SPACA7: variants seen among roughly 807,000 people sequenced by gnomAD.
SPACA7 encodes the protein sperm acrosome-associated protein 7.
SPACA7 carries 19 observed loss-of-function variants against 26.3 expected under a neutral mutation model. That is an observed-to-expected ratio of 0.72 (90% CI 0.50 to 1.06). The LOEUF is 1.06. Among genes scored for constraint, SPACA7 ranks in the 50% least tolerant of loss-of-function variants. The probability of loss-of-function intolerance (pLI) is 0.00; values close to 1 mark genes in which losing one functional copy is unlikely to be tolerated. For missense variants in SPACA7, 211 were observed against 229.9 expected, an observed-to-expected ratio of 0.92 and a Z score of 0.53; for synonymous variants, 84 against 84.5, an observed-to-expected ratio of 0.99 and a Z score of 0.04.
intron 5 of SPACA7, among the ~76,000 whole-genome samples, chr13:112,417,629 GAC>G (rs2139031716): frequency 6.6e-6 from 1 of 152,176 alleles, no homozygotes; most frequent in African/African-American, 2.4e-5. Flanking sequence ...TTTGAAGACT[GAC>G]ACATAAAATT....
chr13:112,433,699 CCCAAGTTCAG>C (rs1391553840), intron 6 of SPACA7, among the ~76,000 whole-genome samples: 3 of 151,754 alleles, frequency 2.0e-5, no homozygotes, highest in African/African-American at 7.3e-5. Flanking sequence ...CCCCCAGCCC[CCCAAGTTCAG>C]ACTTTGCCAG....
chr13:112,431,584 T>C (rs894225188), intron 5 of SPACA7, among the ~76,000 whole-genome samples: 1 of 152,216 alleles, frequency 6.6e-6, no homozygotes, highest in African/African-American at 2.4e-5. Context: ...TGAGGGATTC[T>C]TGTTTCCAAG....
chr13:112,432,586 G>A, intron 6 of SPACA7, 65 bp downstream of exon 6: 1 of 1,263,524 alleles, frequency 7.9e-7, no homozygotes. Flanking sequence ...CAAGGGACAG[G>A]TGTGTCTCCG....
intron 2 of SPACA7, 134 bp downstream of exon 2, chr13:112,393,211 T>C: frequency 1.6e-6 from 1 of 617,744 alleles, no homozygotes; most frequent in Non-Finnish European, 2.9e-6. Context: ...GCTAGAATCA[T>C]ATACCAATGG....
chr13:112,383,598 T>C (rs1433988334), intron 1 of SPACA7, among the ~76,000 whole-genome samples: 2 of 152,200 alleles, frequency 1.3e-5, no homozygotes, highest in Non-Finnish European at 2.9e-5. Flanking sequence ...TAAGCTTAAA[T>C]ACCTATGAGT....
chr13:112,417,012 C>A (rs1172642353), intron 5 of SPACA7, among the ~76,000 whole-genome samples: 2 of 149,510 alleles, frequency 1.3e-5, no homozygotes, highest in Non-Finnish European at 3.0e-5. Context: ...TTGATTTATA[C>A]TTTTTTTTTT....
At chr13:112,397,432 C>A (rs9549512) in intron 2 of SPACA7, among the ~76,000 whole-genome samples, 1 of 152,064 alleles carries the variant, frequency 6.6e-6, no homozygotes, top group African/African-American at 2.4e-5. Flanking sequence ...GCATACACTG[C>A]TTTATTGGAC....
intron 1 of SPACA7, among the ~76,000 whole-genome samples, chr13:112,387,202 C>G (rs57826479): frequency 7.9e-4 from 121 of 152,340 alleles, no homozygotes; most frequent in South Asian, 1.5e-3. Flanking sequence ...TTAGGGCTAA[C>G]TAGGACATGA....
intron 5 of SPACA7, among the ~76,000 whole-genome samples, chr13:112,421,225 CAAAAAA>C (rs59236283): frequency 1.2e-5 from 1 of 86,824 alleles, no homozygotes; most frequent in African/African-American, 3.7e-5. Flanking sequence ...AAGAAACATG[CAAAAAA>C]AAAAAAAAAA....
At position 112,431,082 on chromosome 13, in the gene SPACA7, G is replaced by C. The variant is rs375525611; in HGVS notation, c.446-1362G>C. On this transcript the variant is annotated intron_variant, in intron 5 of 6. Transcript: ENST00000283550. ...TAGTGAGGACCAACCACCGGAAACA[G>C]CCTGATGTTTCACTGAACATCTTTC... Among the ~76,000 whole-genome samples the C allele has an allele frequency of 1.7e-4, 26 of 152,310 alleles. No homozygotes were observed. The East Asian group carries it at 4.0e-3, about 24-fold the overall frequency.
At chr13:112,425,625 G>C (rs890835333) in intron 5 of SPACA7, among the ~76,000 whole-genome samples, 1 of 147,538 alleles carries the variant, frequency 6.8e-6, no homozygotes, top group African/African-American at 2.5e-5. Flanking sequence ...GGCAGAGAGA[G>C]AGAAGACAGA....
At position 112,399,314 on chromosome 13, in the gene SPACA7, C is replaced by T. The variant is rs1885486945; in HGVS notation, c.349+141C>T. The T allele has an allele frequency of 4.5e-6, 3 of 664,298 alleles. No homozygotes were observed. The East Asian group carries it at 8.1e-5, about 18-fold the overall frequency. 41.2% of individuals were successfully genotyped at this position (664,298 alleles called of 1,614,324 possible). ...AATGTGCCCACTTCCCCTGGTTGGG[C>T]AGATCTCCCAGTCTCTGTCGGGGCT... On this transcript the variant is annotated intron_variant, in intron 4 of 6. Coordinates refer to ENST00000283550, the MANE Select transcript of SPACA7 (RefSeq NM_145248.5).
chr13:112,396,695 C>T (rs1885285934), intron 2 of SPACA7, among the ~76,000 whole-genome samples: 1 of 152,220 alleles, frequency 6.6e-6, no homozygotes, highest in Non-Finnish European at 1.5e-5. Flanking sequence ...CAATCACTGG[C>T]CCCAGAGGAC....
At chr13:112,383,111 AAAAGAAAAGAAAAG>A (rs1370223349) in intron 1 of SPACA7, among the ~76,000 whole-genome samples, 787 of 78,056 alleles carry the variant, frequency 0.01, 3 homozygotes, top group Non-Finnish European at 0.011. Context: ...GAAAGAAAAG[AAAAGAAAAGAAAAG>A]AAAGAAAGAA....
chr13:112,389,203 C>G (rs112737340), intron 1 of SPACA7, among the ~76,000 whole-genome samples: 3 of 152,174 alleles, frequency 2.0e-5, no homozygotes, highest in Admixed American at 2.0e-4. Context: ...ATAGTTAGTT[C>G]GGCCTATGCT....
intron 4 of SPACA7, 43 bp downstream of exon 4, chr13:112,399,216 A>G: frequency 9.5e-7 from 1 of 1,052,710 alleles, no homozygotes; most frequent in Non-Finnish European, 1.5e-6. Flanking sequence ...GTCCAGCTGT[A>G]ATGGGAGAGG....
intron 5 of SPACA7, among the ~76,000 whole-genome samples, chr13:112,417,149 T>C (rs1001119884): frequency 1.3e-5 from 2 of 152,300 alleles, no homozygotes; most frequent in African/African-American, 4.8e-5. Flanking sequence ...ATGGATCCTT[T>C]CAAAATTAGA....
At chr13:112,382,834 A>G (rs2138864202) in intron 1 of SPACA7, among the ~76,000 whole-genome samples, 1 of 152,002 alleles carries the variant, frequency 6.6e-6, no homozygotes, top group South Asian at 2.1e-4. Flanking sequence ...CTAAAAACAC[A>G]AAAAATTAGC....
chr13:112,380,455 G>T (rs1466004225), intron 1 of SPACA7, among the ~76,000 whole-genome samples: 1 of 149,148 alleles, frequency 6.7e-6, no homozygotes, highest in Non-Finnish European at 1.5e-5. Context: ...CAAAACTTTG[G>T]CCTTTTAGCA....
Sources: allele counts gnomAD v4.1 joint callset (sites outside exome capture counted in the v4.1 genomes callset), GRCh38; gene constraint gnomAD v4.1.1; transcripts MANE v1.5; gene names NCBI Gene and HGNC (gene_info 2026-07-23, HGNC 2026-07-21).